Variants in RYR2 observed in about 807,000 individuals in gnomAD.
RYR2 encodes cardiac muscle ryanodine receptor-calcium release channel.
Under a neutral mutation model 601.1 loss-of-function variants are expected in RYR2, and 227 were observed. That is an observed-to-expected ratio of 0.38 (90% CI 0.34 to 0.42). RYR2 has a LOEUF of 0.42. RYR2 is among the 10% of genes least tolerant of loss of function. The pLI is 1.00. For synonymous variants in RYR2, 2,223 were observed against 2,175.1 expected (o/e 1.02, Z -0.61); for missense variants, 4,646 against 6,156.5 (o/e 0.75, Z 8.21).
At chr1:237,786,497 G>T (rs912332850) in intron 91 of RYR2, among the ~76,000 whole-genome samples, 1 of 152,194 alleles carries the variant, frequency 6.6e-6, no homozygotes, top group Non-Finnish European at 1.5e-5. Flanking sequence ...AAAAGTCCCC[G>T]GGAGAGTTGG....
chr1:237,454,626 G>C (rs1028507121), intron 15 of RYR2, 52 bp downstream of exon 15: 6 of 1,572,346 alleles, frequency 3.8e-6, no homozygotes, highest in Non-Finnish European at 4.3e-6. Flanking sequence ...TGTAAAAACA[G>C]CTTCTTGGTT....
At chr1:237,540,243 A>G (rs576789177) in intron 25 of RYR2, among the ~76,000 whole-genome samples, 14 of 152,060 alleles carry the variant, frequency 9.2e-5, no homozygotes, top group Admixed American at 5.3e-4. Flanking sequence ...TGTGGTCCTC[A>G]CTATCTCATA....
At chr1:237,639,286 G>T in intron 46 of RYR2, 85 bp downstream of exon 46, 1 of 1,246,354 alleles carries the variant, frequency 8.0e-7, no homozygotes, top group Non-Finnish European at 1.1e-6. Flanking sequence ...CCTATGAATT[G>T]TAATATAACT....
intron 44 of RYR2, among the ~76,000 whole-genome samples, chr1:237,636,801 A>C (rs994139782): frequency 6.6e-6 from 1 of 152,262 alleles, no homozygotes; most frequent in African/African-American, 2.4e-5. Flanking sequence ...TCAATGTATT[A>C]GTTGATAAAT....
intron 1 of RYR2, among the ~76,000 whole-genome samples, chr1:237,127,421 C>T (rs1397689400): frequency 2.0e-5 from 3 of 150,800 alleles, no homozygotes; most frequent in Non-Finnish European, 4.4e-5. Context: ...GGGCTGACCC[C>T]CCCACCTCCC....
At chr1:237,174,671 G>A (rs1677814860) in intron 1 of RYR2, among the ~76,000 whole-genome samples, 1 of 151,984 alleles carries the variant, frequency 6.6e-6, no homozygotes, top group Admixed American at 6.6e-5. Flanking sequence ...CTAATATCCC[G>A]ACTGCTTTTT....
intron 31 of RYR2, among the ~76,000 whole-genome samples, 183 bp downstream of exon 31, chr1:237,591,175 TCCCCC>T: frequency 2.4e-4 from 1 of 4,140 alleles, no homozygotes; most frequent in Non-Finnish European, 1.4e-3. Flanking sequence ...CTTCTCCTCC[TCCCCC>T]TTCTCCTCCT....
At chr1:237,368,150 A>G (rs1277109401) in intron 5 of RYR2, among the ~76,000 whole-genome samples, 2 of 152,190 alleles carry the variant, frequency 1.3e-5, no homozygotes, top group African/African-American at 4.8e-5. Flanking sequence ...CTGAGTATAA[A>G]TGGGGCTGTG....
At chr1:237,607,339 C>G (rs1677245314) in intron 35 of RYR2, among the ~76,000 whole-genome samples, 1 of 152,050 alleles carries the variant, frequency 6.6e-6, no homozygotes, top group Non-Finnish European at 1.5e-5. Context: ...AAACCACACA[C>G]CGCATGTTCT....
intron 27 of RYR2, among the ~76,000 whole-genome samples, chr1:237,554,454 T>G (rs1670693792): frequency 6.6e-6 from 1 of 151,952 alleles, no homozygotes; most frequent in Admixed American, 6.6e-5. Context: ...TATATATTTT[T>G]TTCTTATAAT....
chr1:237,631,697 G>A (rs756144840), intron 42 of RYR2, among the ~76,000 whole-genome samples, 156 bp downstream of exon 42: 16 of 119,578 alleles, frequency 1.3e-4, no homozygotes, highest in Admixed American at 4.6e-4. Context: ...GCACGATCTC[G>A]GCTCACTGCA....
intron 2 of RYR2, among the ~76,000 whole-genome samples, chr1:237,325,023 A>G (rs993390222): frequency 5.9e-5 from 9 of 152,244 alleles, no homozygotes; most frequent in East Asian, 1.9e-4. Context: ...AGATGAAATC[A>G]TAGTTTGAGG....
chr1:237,758,731 G>A (rs1259084478), intron 82 of RYR2, among the ~76,000 whole-genome samples: 1 of 152,188 alleles, frequency 6.6e-6, no homozygotes, highest in Non-Finnish European at 1.5e-5. Context: ...CAGATTTGTA[G>A]AGAAGCAGTA....
At chr1:237,827,656 TGACTG>T (rs1311415874) in intron 101 of RYR2, among the ~76,000 whole-genome samples, 1 of 138,618 alleles carries the variant, frequency 7.2e-6, no homozygotes, top group Non-Finnish European at 1.5e-5. Context: ...AAAAATGACT[TGACTG>T]GGCATGGTGG....
chr1:237,680,458 C>A lies in RYR2; in HGVS notation c.8898C>A (p.Val2966=). 1 of 1,608,550 alleles carries A rather than the reference C, an allele frequency of 6.2e-7. No homozygotes were observed. The highest frequency in any genetic ancestry group is 1.1e-5 in the South Asian group (1 of 90,756). Residue 2966 remains valine, a splice_region_variant and synonymous_variant, in exon 62 of 105, where the codon GTC becomes GTA. Transcript: ENST00000366574. ...TGTCTTCTTTTCCTTTCTTTCAGGTCGTTCTTCCTTTAATTGATCAGTATT... is the reference window on the plus strand; with the variant it reads ...TGTCTTCTTTTCCTTTCTTTCAGGTAGTTCTTCCTTTAATTGATCAGTATT... ...YEQEIKFFAK[V]VLPLIDQYFK...
intron 58 of RYR2, among the ~76,000 whole-genome samples, chr1:237,671,920 GC>G (rs555282189): frequency 2.1e-3 from 323 of 152,244 alleles, no homozygotes; most frequent in African/African-American, 7.4e-3. Flanking sequence ...ACAGCCCACT[GC>G]TGTCAAGCAT....
intron 1 of RYR2, among the ~76,000 whole-genome samples, chr1:237,146,975 G>C (rs1007075666): frequency 1.3e-5 from 2 of 152,058 alleles, no homozygotes; most frequent in Admixed American, 6.6e-5. Context: ...TTTTATACCA[G>C]CTTTAAAGTT....
At chr1:237,193,696 T>A (rs192418477) in intron 1 of RYR2, among the ~76,000 whole-genome samples, 30 of 152,332 alleles carry the variant, frequency 2.0e-4, no homozygotes, top group Admixed American at 1.1e-3. Flanking sequence ...TAACTCACAT[T>A]TCTTATTTTC....
intron 101 of RYR2, among the ~76,000 whole-genome samples, chr1:237,827,627 C>CAAAAAAAAAAAAA (rs55896893): frequency 1.3e-5 from 1 of 79,446 alleles, no homozygotes; most frequent in African/African-American, 5.0e-5. Flanking sequence ...AAGACTGTCT[C>CAAAAAAAAAAAAA]AAAAAAAAAA....
Sources: allele counts gnomAD v4.1 joint callset (sites outside exome capture counted in the v4.1 genomes callset), GRCh38; gene constraint gnomAD v4.1.1; transcripts MANE v1.5; gene names NCBI Gene and HGNC (gene_info 2026-07-23, HGNC 2026-07-21).